The following ENGASE variants were observed in gnomAD, a reference collection of about 807,000 sequenced individuals.
ENGASE encodes endo-beta-N-acetylglucosaminidase.
A neutral mutation model predicts 78.5 loss-of-function variants in ENGASE; 69 were observed. The ratio of observed to expected loss-of-function variants is 0.88; its 90% CI spans 0.72 to 1.07. The LOEUF (loss-of-function observed/expected upper bound fraction) is 1.07. Ranked by LOEUF, ENGASE falls within the 50% of genes least tolerant of loss-of-function variation. The probability of loss-of-function intolerance (pLI) is 0.00; values close to 1 mark genes in which losing one functional copy is unlikely to be tolerated. For missense variants in ENGASE, 943 were observed against 988.4 expected (o/e 0.95, Z 0.62); for synonymous variants, 408 against 408.9 (o/e 1.00, Z 0.03).
chr17:79,079,767 G>T, intron 4 of ENGASE, 130 bp downstream of exon 4: 1 of 1,227,548 alleles, frequency 8.1e-7, no homozygotes, highest in Non-Finnish European at 1.1e-6. Flanking sequence ...GGCCGCCTTG[G>T]TCGGCTAGGA....
chr17:79,080,277 G>T lies in ENGASE; in HGVS notation c.636G>T (p.Ser212=), dbSNP rs200866626. Residue 212 remains serine, a synonymous_variant, in exon 5 of 14, where the codon TCG becomes TCT. Coordinates refer to ENST00000579016, the MANE Select transcript of ENGASE (RefSeq NM_001042573.3). The stretch of plus-strand genomic sequence containing the variant: ...CCTTCCTGGCCGGGGATGAGCGCTC[G>T]TACCAGGCAGTGGCTGACCGGCTGG... The part of the protein sequence containing the change: ...CEAFLAGDER[S]YQAVADRLVQ... The T allele has an allele frequency of 6.2e-7, 1 of 1,613,966 alleles. No homozygotes were observed. The highest frequency in any genetic ancestry group is 1.1e-5 in the South Asian group (1 of 91,066).
In ENGASE at chr17:79,088,054, C is replaced by T. The variant is rs1044056183; in HGVS notation, c.*1705C>T. The T allele has an allele frequency of 1.4e-5, 2 of 138,518 alleles. No individual in the cohort carries two copies. Among genetic ancestry groups the T allele is most frequent in the Non-Finnish European group, 3.4e-5 (2 of 58,004 alleles). 8.6% of individuals were successfully genotyped at this position (138,518 alleles called of 1,614,324 possible). A position where few individuals can be genotyped will look rare whatever the true frequency, so the allele number is the denominator to read the frequency against. ...CTGCTGACCCCCTGCAGCCTGGAGC[C>T]AGCCCGGGGACTGTCCTGGGTGGAG... is the stretch of plus-strand genomic sequence containing the variant. On this transcript the variant is annotated 3_prime_UTR_variant, in exon 14 of 14. Transcript: ENST00000579016.
chr17:79,084,232 GCCC>G (rs1206791256), intron 10 of ENGASE: 3 of 524,940 alleles, frequency 5.7e-6, no homozygotes, highest in Middle Eastern at 4.8e-4. Flanking sequence ...TTGCACATTA[GCCC>G]CCCATCCTCC....
In ENGASE at chr17:79,084,554, G is replaced by T. The variant is rs751409562; in HGVS notation, c.1459G>T (p.Ala487Ser). The T allele has an allele frequency of 2.5e-6, 4 of 1,577,362 alleles. No homozygotes were observed. Among genetic ancestry groups the T allele is most frequent in the South Asian group, 2.3e-5 (2 of 85,298 alleles). Reference sequence around the variant, plus strand: ...TTTCCCCAGGTTATTTTCCCTGCAGGCCCCAGTGCCACCCAAGATTTACCT... The same window carrying T: ...TTTCCCCAGGTTATTTTCCCTGCAGTCCCCAGTGCCACCCAAGATTTACCT... The part of the protein sequence containing the change: ...NVAVRLFSLQ[A>S]PVPPKIYLSM... The change falls in exon 11 of 14, where the codon GCC (alanine) becomes TCC (serine). Residue 487 changes from alanine to serine, a missense_variant. Ala to Ser is a moderately conservative substitution (Grantham distance 99). Coordinates refer to ENST00000579016, the MANE Select transcript of ENGASE (RefSeq NM_001042573.3).
chr17:79,079,692 G>A, intron 4 of ENGASE, 55 bp downstream of exon 4: 1 of 1,581,218 alleles, frequency 6.3e-7, no homozygotes, highest in Non-Finnish European at 8.6e-7. Context: ...TCACCAGCCA[G>A]GGGACCCCGT....
In ENGASE at chr17:79,083,181, T is replaced by G. The variant is rs1599344939; in HGVS notation, c.1142+58T>G. 2 of 1,291,644 alleles carry G rather than the reference T, an allele frequency of 1.5e-6. No homozygotes were observed. The highest frequency in any genetic ancestry group is 2.2e-6 in the Non-Finnish European group (2 of 898,146). 80.0% of individuals were successfully genotyped at this position (1,291,644 alleles called of 1,614,324 possible). On this transcript the variant is annotated intron_variant, in intron 8 of 13. Coordinates refer to ENST00000579016, the MANE Select transcript of ENGASE (RefSeq NM_001042573.3). The surrounding 1 kb of genome is among the most constrained non-coding windows in gnomAD (Gnocchi z 4.9). Reference sequence around the variant, plus strand: ...GCTGATGGGAGGGAGGGGTTTCTGGTGTCTCTGATAGGACACGTTTGTGCT... The same window carrying G: ...GCTGATGGGAGGGAGGGGTTTCTGGGGTCTCTGATAGGACACGTTTGTGCT...
At position 79,086,194 on chromosome 17, in the gene ENGASE, A is replaced by T. The variant is rs767492990; in HGVS notation, c.2077A>T (p.Thr693Ser). 41 of 1,613,500 alleles carry T rather than the reference A, an allele frequency of 2.5e-5. No individual in the cohort carries two copies. The highest frequency in any genetic ancestry group is 3.4e-5 in the Non-Finnish European group (40 of 1,180,036). The change falls in exon 14 of 14, where the codon ACC becomes TCC. Residue 693 changes from threonine to serine, a missense_variant. Coordinates refer to ENST00000579016, the MANE Select transcript of ENGASE (RefSeq NM_001042573.3). ...MPMFLGLAFATQYRIVDLLVE... is the reference protein window; with the variant it reads ...MPMFLGLAFASQYRIVDLLVE... ...CATGTTCCTGGGGTTGGCTTTTGCCACCCAGTACCGGATAGTGGACCTGCT... is the reference window on the plus strand; with the variant it reads ...CATGTTCCTGGGGTTGGCTTTTGCCTCCCAGTACCGGATAGTGGACCTGCT...
rs573638540 is a variant in ENGASE, at chr17:79,083,942, T to G, written c.1433T>G (p.Val478Gly). ...RGVIPPEVGN[V>G]AVRLFSLQAP... ...GTGATCCCACCGGAGGTTGGAAATG[T>G]GGCTGTGAGGTGGGTGAGTGACGGA... is the stretch of plus-strand genomic sequence containing the variant. The change falls in exon 10 of 14, where the codon GTG becomes GGG. Residue 478 changes from valine (V) to glycine (G), a missense_variant. Coordinates refer to ENST00000579016, the MANE Select transcript of ENGASE (RefSeq NM_001042573.3). This position sits in a 1 kb window ranked among gnomAD's most constrained non-coding sequence, Gnocchi z 4.9. 86 of 1,609,762 alleles carry G rather than the reference T, an allele frequency of 5.3e-5. 1 individual carries two copies. In the South Asian group the frequency reaches 9.2e-4, roughly 17 times the overall value.
chr17:79,086,663 C>T lies in ENGASE; in HGVS notation c.*314C>T. 2.0e-6 allele frequency: 1 copy of T among 491,048 alleles called. No homozygotes were observed. Among genetic ancestry groups the T allele is most frequent in the South Asian group, 2.2e-5 (1 of 46,354 alleles). 30.4% of individuals were successfully genotyped at this position (491,048 alleles called of 1,614,324 possible). On this transcript the variant is annotated 3_prime_UTR_variant, in exon 14 of 14. Transcript: ENST00000579016. Reference sequence around the variant, plus strand: ...AGGAGGGGAGAAGTTGAGAACAGAACATTCCATAAAGGATATTTCCTAATA... The same window carrying T: ...AGGAGGGGAGAAGTTGAGAACAGAATATTCCATAAAGGATATTTCCTAATA...
rs1383700796 is a variant in ENGASE, at chr17:79,082,545, C to T, written c.1039-475C>T. On this transcript the variant is annotated intron_variant, in intron 7 of 13. Transcript: ENST00000579016. ...GGTCACACCAGCACAGAGGAAGGAG[C>T]GGGGCCAGGCCGGTGCCCCTGGCGT... 13 of 1,218,110 alleles carry T rather than the reference C, an allele frequency of 1.1e-5. 1 individual carries two copies. The highest frequency in any genetic ancestry group is 1.0e-4 in the South Asian group (7 of 67,470). The allele number at this position is 1,218,110 out of a possible 1,614,324, so 75.5% of individuals were successfully genotyped here.
chr17:79,084,117 T>C (rs2073224112), intron 10 of ENGASE, 166 bp downstream of exon 10: 2 of 638,512 alleles, frequency 3.1e-6, no homozygotes, highest in Non-Finnish European at 5.4e-6. Context: ...AAATTCACCA[T>C]CTTGACCCTG....
chr17:79,075,885 G>C (rs1301335099), intron 1 of ENGASE: 2 of 985,306 alleles, frequency 2.0e-6, no homozygotes, highest in Admixed American at 6.1e-5. Flanking sequence ...AATGACAGGT[G>C]ACAAAGGTGA....
chr17:79,079,755 G>C, intron 4 of ENGASE, 118 bp downstream of exon 4: 1 of 1,367,322 alleles, frequency 7.3e-7, no homozygotes, highest in Non-Finnish European at 9.8e-7. Flanking sequence ...CCCCTCGCTG[G>C]GGGCCGCCTT....
intron 1 of ENGASE, chr17:79,075,949 A>G: frequency 2.1e-6 from 2 of 964,966 alleles, no homozygotes; most frequent in Non-Finnish European, 2.5e-6. Flanking sequence ...GAAGTATAAT[A>G]AGGACATCAA....
chr17:79,081,157 G>A, intron 6 of ENGASE, 84 bp downstream of exon 6: 4 of 1,351,614 alleles, frequency 3.0e-6, no homozygotes, highest in Non-Finnish European at 4.0e-6. Flanking sequence ...CAAGGGGCGG[G>A]CGCAGTCTCC....
In ENGASE at chr17:79,075,758, A is replaced by G. The variant is rs948903339; in HGVS notation, c.146+668A>G. Reference sequence around the variant, plus strand: ...GCCGTAGCTTTGTTTCTAAACCCAAAGCAGTGAGACTGCTGAGCATTTCAG... The same window carrying G: ...GCCGTAGCTTTGTTTCTAAACCCAAGGCAGTGAGACTGCTGAGCATTTCAG... On this transcript the variant is annotated intron_variant, in intron 1 of 13. Coordinates refer to ENST00000579016, the MANE Select transcript of ENGASE (RefSeq NM_001042573.3). 9.1e-6 allele frequency: 9 copies of G among 985,452 alleles called. No homozygotes were observed. In the African/African-American group the frequency reaches 1.0e-4, roughly 11 times the overall value. 61.0% of individuals were successfully genotyped at this position (985,452 alleles called of 1,614,324 possible). A position where few individuals can be genotyped will look rare whatever the true frequency, so the allele number is the denominator to read the frequency against.
At position 79,085,706 on chromosome 17, in the gene ENGASE, G is replaced by C. The variant is rs4789879; in HGVS notation, c.1787G>C (p.Ser596Thr). The C allele has an allele frequency of 1.2e-6, 2 of 1,613,756 alleles. No individual in the cohort carries two copies. The highest frequency in any genetic ancestry group is 8.5e-7 in the Non-Finnish European group (1 of 1,179,930). Residue 596 changes from serine to threonine, a missense_variant, in exon 13 of 14, where the codon AGC becomes ACC. Ser to Thr is a moderately conservative substitution (Grantham distance 58). Transcript: ENST00000579016. ...CCGCCGGGTAGTCGGGAGGAGGAGA[G>C]CTTCACCTGTCGGCTTGGAGAGATC... The part of the protein sequence containing the change: ...SRPPGSREEE[S>T]FTCRLGEIQV...
At chr17:79,084,509 G>C (rs375593959) in intron 10 of ENGASE, 29 bp from the exon 11 acceptor site, 2 of 1,541,712 alleles carry the variant, frequency 1.3e-6, no homozygotes, top group African/African-American at 2.8e-5. Flanking sequence ...GTCTCTCCAC[G>C]GCACCCATCA....
In ENGASE at chr17:79,086,968, C is replaced by T. The variant is rs1326153775; in HGVS notation, c.*619C>T. ...TTCGTGCCTCCACGTGGGCCAGCCC[C>T]AGCTGCTCCGTGTTTCCTGGCGTTG... On this transcript the variant is annotated 3_prime_UTR_variant, in exon 14 of 14. Transcript: ENST00000579016. The T allele has an allele frequency of 2.0e-6, 1 of 500,184 alleles. No individual in the cohort carries two copies. Among genetic ancestry groups the T allele is most frequent in the Admixed American group, 2.0e-5 (1 of 49,132 alleles). The allele number at this position is 500,184 out of a possible 1,614,324, so 31.0% of individuals were successfully genotyped here.
Sources: gnomAD v4.1 joint callset for allele counts on GRCh38, gnomAD v4.1.1 for gene constraint, Gnocchi (gnomAD v3.1) non-coding constraint, MANE v1.5 for transcripts, NCBI Gene and HGNC (gene_info 2026-07-23, HGNC 2026-07-21) for gene names.